The following ADAM32 variants were observed in gnomAD, a reference collection of about 807,000 sequenced individuals.
ADAM32 encodes disintegrin and metalloproteinase domain-containing protein 32.
ADAM32 carries 89 observed loss-of-function variants against 114.9 expected under a neutral mutation model. That is an observed-to-expected ratio of 0.77 (90% CI 0.65 to 0.92). The LOEUF (loss-of-function observed/expected upper bound fraction) is 0.92. Among genes scored for constraint, ADAM32 ranks in the 40% least tolerant of loss-of-function variants. The pLI is 0.00. For missense variants in ADAM32, 870 were observed against 932.8 expected (o/e 0.93, Z 0.88); for synonymous variants, 285 against 307.5 (o/e 0.93, Z 0.77).
At chr8:39,181,578 C>T (rs934741865) in intron 10 of ADAM32, among the ~76,000 whole-genome samples, 1 of 152,200 alleles carries the variant, frequency 6.6e-6, no homozygotes, top group East Asian at 1.9e-4. Context: ...GAATCTTTGT[C>T]CTAACATCTT....
At chr8:39,136,833 T>G (rs1335690195) in intron 3 of ADAM32, 115 bp downstream of exon 3, 1 of 728,352 alleles carries the variant, frequency 1.4e-6, no homozygotes, top group South Asian at 2.4e-5. Flanking sequence ...TTTAATTGTC[T>G]TAAGTGAAGA....
intron 19 of ADAM32, among the ~76,000 whole-genome samples, chr8:39,267,513 A>G (rs1327453614): frequency 1.3e-5 from 2 of 152,094 alleles, no homozygotes; most frequent in Non-Finnish European, 2.9e-5. Context: ...GGTTATTTCC[A>G]GTTTATAGGT....
At chr8:39,142,376 G>C (rs1408575947) in intron 3 of ADAM32, among the ~76,000 whole-genome samples, 1 of 152,092 alleles carries the variant, frequency 6.6e-6, no homozygotes, top group Non-Finnish European at 1.5e-5. Flanking sequence ...CTTCCTTCAG[G>C]AGCTCTTTTA....
intron 10 of ADAM32, among the ~76,000 whole-genome samples, chr8:39,174,562 G>C (rs1439199122): frequency 6.6e-6 from 1 of 151,824 alleles, no homozygotes; most frequent in Non-Finnish European, 1.5e-5. Flanking sequence ...ACAATGTGCA[G>C]GTTAGTTACA....
At position 39,164,840 on chromosome 8, in the gene ADAM32, G is replaced by C; in HGVS notation, c.666+5G>C. 2 of 1,600,374 alleles carry C rather than the reference G, an allele frequency of 1.2e-6. No homozygotes were observed. Among genetic ancestry groups the C allele is most frequent in the Non-Finnish European group, 1.7e-6 (2 of 1,171,926 alleles). On this transcript the variant is annotated splice_donor_5th_base_variant and intron_variant, in intron 8 of 24. Coordinates refer to ENST00000379907, the MANE Select transcript of ADAM32 (RefSeq NM_145004.7). The stretch of plus-strand genomic sequence containing the variant: ...ATTGTTGGCCTTGCAAATTCAGTAA[G>C]TGTTTTCCTTTTCATATTAAAATAA...
chr8:39,197,108 G>A (rs1352033116), intron 11 of ADAM32, among the ~76,000 whole-genome samples: 1 of 151,902 alleles, frequency 6.6e-6, no homozygotes, highest in Non-Finnish European at 1.5e-5. Flanking sequence ...TTTCCTCTAG[G>A]TTTTCCGATT....
At position 39,197,717 on chromosome 8, in the gene ADAM32, T is replaced by C. The variant is rs1409389945; in HGVS notation, c.1052+10672T>C. 2.6e-5 allele frequency among the ~76,000 whole-genome samples: 4 copies of C among 152,180 alleles called. No homozygotes were observed. In the South Asian group the frequency reaches 8.3e-4, roughly 32 times the overall value. On this transcript the variant is annotated intron_variant, in intron 11 of 24. Coordinates refer to ENST00000379907, the MANE Select transcript of ADAM32 (RefSeq NM_145004.7). Reference sequence around the variant, plus strand: ...TCAGTGTTTTAAAATTAATTGAGACTTCTTTTGTGGCCTAACATGTGGACT... The same window carrying C: ...TCAGTGTTTTAAAATTAATTGAGACCTCTTTTGTGGCCTAACATGTGGACT...
intron 2 of ADAM32, among the ~76,000 whole-genome samples, chr8:39,123,998 T>G (rs1231726922): frequency 1.3e-5 from 2 of 151,886 alleles, no homozygotes; most frequent in Non-Finnish European, 2.9e-5. Context: ...TGAGCCACTG[T>G]GCCTGGCCTT....
intron 13 of ADAM32, among the ~76,000 whole-genome samples, chr8:39,222,761 C>T (rs995226743): frequency 1.3e-5 from 2 of 152,062 alleles, no homozygotes; most frequent in African/African-American, 4.8e-5. Context: ...TTAAAGTGAA[C>T]ATTCTTCTCT....
intron 3 of ADAM32, among the ~76,000 whole-genome samples, chr8:39,138,992 A>G (rs1802980110): frequency 6.6e-6 from 1 of 152,142 alleles, no homozygotes; most frequent in Non-Finnish European, 1.5e-5. Flanking sequence ...TTGTCTGTTC[A>G]TATCCTTTGG....
chr8:39,277,268 A>C (rs1221344951), intron 22 of ADAM32, among the ~76,000 whole-genome samples: 1 of 152,232 alleles, frequency 6.6e-6, no homozygotes, highest in Non-Finnish European at 1.5e-5. Flanking sequence ...GACATCGTTT[A>C]ATTTGCAATG....
At chr8:39,136,085 T>C (rs1802782130) in intron 2 of ADAM32, among the ~76,000 whole-genome samples, 1 of 152,206 alleles carries the variant, frequency 6.6e-6, no homozygotes, top group African/African-American at 2.4e-5. Flanking sequence ...TTTCACGTGT[T>C]CCCTTTTGCT....
chr8:39,164,978 A>G (rs1383701574), intron 8 of ADAM32, 52 bp from the exon 9 acceptor site: 18 of 1,533,506 alleles, frequency 1.2e-5, no homozygotes, highest in Non-Finnish European at 1.3e-5. Flanking sequence ...CTGGGTTTTT[A>G]TAAGATAACA....
chr8:39,211,322 G>A lies in ADAM32; in HGVS notation c.1231G>A (p.Ala411Thr). ...TGAAATCTGTGATTGTGGTACTGAGGCTGTAAGTATGATAACTAGGAAAAT... is the reference window on the plus strand; with the variant it reads ...TGAAATCTGTGATTGTGGTACTGAGACTGTAAGTATGATAACTAGGAAAAT... ...GNEICDCGTE[A>T]QCGPASCCDF... The change falls in exon 12 of 25, where the codon GCT (alanine) becomes ACT (threonine). Residue 411 changes from alanine to threonine, a missense_variant and splice_region_variant. Physicochemically the swap from Ala to Thr is moderately conservative, Grantham distance 58. Transcript: ENST00000379907. 1 of 1,499,156 alleles carries A rather than the reference G, an allele frequency of 6.7e-7. No homozygotes were observed. 92.9% of individuals were successfully genotyped at this position (1,499,156 alleles called of 1,614,324 possible).
At chr8:39,245,601 T>C (rs921646665) in intron 16 of ADAM32, among the ~76,000 whole-genome samples, 22 of 152,064 alleles carry the variant, frequency 1.4e-4, no homozygotes, top group African/African-American at 4.8e-4. Flanking sequence ...TGTGAGGACA[T>C]AGGGAGAAGG....
At chr8:39,221,454 T>G in intron 12 of ADAM32, 156 bp from the exon 13 acceptor site, 2 of 598,940 alleles carry the variant, frequency 3.3e-6, no homozygotes, top group Non-Finnish European at 5.8e-6. Context: ...CCTACATTAG[T>G]GTTTTAAATA....
chr8:39,126,998 C>T (rs1233061873), intron 2 of ADAM32, among the ~76,000 whole-genome samples: 1 of 152,142 alleles, frequency 6.6e-6, no homozygotes, highest in African/African-American at 2.4e-5. Flanking sequence ...TTGAACCAAC[C>T]TTGCATCCTG....
intron 11 of ADAM32, among the ~76,000 whole-genome samples, chr8:39,189,164 T>G (rs1344723221): frequency 6.6e-6 from 1 of 152,174 alleles, no homozygotes; most frequent in Admixed American, 6.5e-5. Context: ...ATCTATGAGG[T>G]AGATAGGCAT....
intron 18 of ADAM32, among the ~76,000 whole-genome samples, chr8:39,255,962 G>A (rs1811624613): frequency 3.3e-5 from 5 of 151,916 alleles, no homozygotes; most frequent in Admixed American, 3.3e-4. Context: ...AGTTATCCCA[G>A]TGCCATTTGT....
Sources: gnomAD v4.1 joint callset for allele counts (sites outside exome capture counted in the v4.1 genomes callset) on GRCh38, gnomAD v4.1.1 for gene constraint, MANE v1.5 for transcripts, NCBI Gene and HGNC (gene_info 2026-07-23, HGNC 2026-07-21) for gene names.